Variants in SOS1 observed in about 807,000 individuals in gnomAD.
SOS1 encodes the protein son of sevenless homolog 1.
In SOS1, 25 loss-of-function variants were observed where a neutral mutation model predicts 157.6. That is an observed-to-expected ratio of 0.16 (90% CI 0.12 to 0.22). The LOEUF (loss-of-function observed/expected upper bound fraction) is 0.22, where lower values mean the gene tolerates loss of function less well. Among genes scored for constraint, SOS1 ranks in the 10% least tolerant of loss-of-function variants. SOS1 has a pLI of 1.00. For missense variants in SOS1, 1,237 were observed against 1,599.1 expected (o/e 0.77, Z 3.86); for synonymous variants, 528 against 534.0 (o/e 0.99, Z 0.16).
chr2:39,061,104 T>C (rs1271253858), intron 2 of SOS1, among the ~76,000 whole-genome samples: 1 of 152,110 alleles, frequency 6.6e-6, no homozygotes, highest in Non-Finnish European at 1.5e-5. Flanking sequence ...AAATCTCGAA[T>C]GATTTTTAAA....
chr2:39,072,572 C>G (rs1025661012), intron 1 of SOS1, among the ~76,000 whole-genome samples: 1 of 152,074 alleles, frequency 6.6e-6, no homozygotes. Context: ...AAGACAACAA[C>G]GTGATACTGC....
intron 1 of SOS1, among the ~76,000 whole-genome samples, chr2:39,081,741 C>T (rs1376445532): frequency 6.6e-6 from 1 of 151,956 alleles, no homozygotes; most frequent in Non-Finnish European, 1.5e-5. Flanking sequence ...AGGAGAATCA[C>T]TTGAACCCAG....
At chr2:39,054,275 T>G (rs1377037085) in intron 5 of SOS1, among the ~76,000 whole-genome samples, 1 of 152,248 alleles carries the variant, frequency 6.6e-6, no homozygotes, top group Non-Finnish European at 1.5e-5. Context: ...GCATGGTACC[T>G]GACAATACAG....
rs766049717 is a variant in SOS1, at chr2:39,035,423, C to G, written c.942G>C (p.Gln314His). 3 of 1,613,762 alleles carry G rather than the reference C, an allele frequency of 1.9e-6. No homozygotes were observed. The highest frequency in any genetic ancestry group is 3.3e-5 in the Admixed American group (2 of 60,000). ...AAAGTGCTGCCCCAGGCTTTGATAA[C>G]TGACTAAGGAAACGATCATGAAAAC... ...RPGFHDRFLS[Q>H]LSKPGAALYL... Residue 314 changes from glutamine to histidine, a missense_variant, in exon 7 of 23, where the codon CAG becomes CAC. This residue lies in a region of SOS1 where 101 missense variants were observed against 171.5 expected (regional missense o/e 0.59). Transcript: ENST00000402219.
At position 39,115,089 on chromosome 2, in the gene SOS1, C is replaced by T. The variant is rs144117822; in HGVS notation, c.87+5247G>A. ...TCAGTCTTACTAAAATCATTTTCAGCGTGTGGTCTCATCTACTTTTTAAAA... is the reference window on the plus strand; with the variant it reads ...TCAGTCTTACTAAAATCATTTTCAGTGTGTGGTCTCATCTACTTTTTAAAA... On this transcript the variant is annotated intron_variant, in intron 1 of 22. Transcript: ENST00000402219. Among the ~76,000 whole-genome samples, 351 of 152,238 alleles carry T rather than the reference C, an allele frequency of 2.3e-3. 1 individual carries two copies. Among genetic ancestry groups the T allele is most frequent in the African/African-American group, 7.8e-3 (322 of 41,538 alleles).
At chr2:39,000,538 CAG>C (rs1392474186) in intron 17 of SOS1, among the ~76,000 whole-genome samples, 2 of 152,096 alleles carry the variant, frequency 1.3e-5, no homozygotes, top group South Asian at 2.1e-4. Context: ...AAAGAGAAAA[CAG>C]AGCATTATGA....
At chr2:39,077,977 C>T (rs1672073460) in intron 1 of SOS1, among the ~76,000 whole-genome samples, 1 of 152,118 alleles carries the variant, frequency 6.6e-6, no homozygotes, top group African/African-American at 2.4e-5. Flanking sequence ...ACTGCTTAAT[C>T]AACATATCAC....
rs1558497880 is a variant in SOS1 at position 39,067,581 on chromosome 2, A to G, written c.213+47T>C. On this transcript the variant is annotated intron_variant, in intron 2 of 22. Coordinates refer to ENST00000402219, the MANE Select transcript of SOS1 (RefSeq NM_005633.4). ...TCCCTGTTCACTGACATTACAACCA[A>G]CACACAAATTAGATATAAAGTAAAT... The G allele has an allele frequency of 1.9e-6, 3 of 1,564,018 alleles. No homozygotes were observed. In the East Asian group the frequency reaches 6.7e-5, roughly 35 times the overall value.
At chr2:39,118,044 C>T (rs1183968109) in intron 1 of SOS1, among the ~76,000 whole-genome samples, 1 of 152,192 alleles carries the variant, frequency 6.6e-6, no homozygotes, top group Non-Finnish European at 1.5e-5. Flanking sequence ...GATATCATCC[C>T]TGTTCTCAAG....
At chr2:39,056,627 T>C (rs1283821122) in intron 4 of SOS1, 75 bp downstream of exon 4, 2 of 922,334 alleles carry the variant, frequency 2.2e-6, no homozygotes, top group Non-Finnish European at 1.8e-6. Context: ...TTTTATTCTA[T>C]ATGAATAGTA....
chr2:39,045,293 T>A (rs1462051201), intron 6 of SOS1, among the ~76,000 whole-genome samples: 4 of 151,458 alleles, frequency 2.6e-5, no homozygotes, highest in Non-Finnish European at 5.9e-5. Flanking sequence ...TGTGTGTGTG[T>A]GTGTGTGTGT....
At position 39,030,611 on chromosome 2, in the gene SOS1, AAGCCAATGT is replaced by A. The variant is rs558645600; in HGVS notation, c.1074+4592_1074+4600del. Among the ~76,000 whole-genome samples the A allele has an allele frequency of 1.5e-3, 228 of 152,250 alleles. 1 individual carries two copies. Among genetic ancestry groups the A allele is most frequent in the African/African-American group, 5.1e-3 (212 of 41,552 alleles). The stretch of plus-strand genomic sequence containing the variant: ...GGTGTTAGGGGGAAGCCAGCGTATA[AAGCCAATGT>A]AGCCAGTGTATATGCTGGAGAATCA... On this transcript the variant is annotated intron_variant, in intron 8 of 22. Coordinates refer to ENST00000402219, the MANE Select transcript of SOS1 (RefSeq NM_005633.4).
At chr2:39,048,985 T>G (rs1670897108) in intron 6 of SOS1, among the ~76,000 whole-genome samples, 1 of 152,156 alleles carries the variant, frequency 6.6e-6, no homozygotes. Context: ...TGGTGCGATC[T>G]CGGCTCACTG....
At chr2:39,018,436 T>C (rs545205851) in intron 10 of SOS1, among the ~76,000 whole-genome samples, 1 of 151,896 alleles carries the variant, frequency 6.6e-6, no homozygotes, top group East Asian at 1.9e-4. Context: ...AGCTAGGTTA[T>C]TTTCAAACAG....
At chr2:39,114,029 A>G (rs1252030866) in intron 1 of SOS1, among the ~76,000 whole-genome samples, 2 of 152,094 alleles carry the variant, frequency 1.3e-5, no homozygotes, top group Non-Finnish European at 2.9e-5. Context: ...CAAACTTAAC[A>G]CTTTTCAGGC....
intron 15 of SOS1, chr2:39,007,479 G>C: frequency 2.7e-6 from 1 of 372,304 alleles, no homozygotes; most frequent in Non-Finnish European, 4.9e-6. Flanking sequence ...CCACTATCTT[G>C]TGGAATGTAT....
At chr2:39,107,658 A>G (rs1274776507) in intron 1 of SOS1, among the ~76,000 whole-genome samples, 7 of 134,446 alleles carry the variant, frequency 5.2e-5, no homozygotes, top group Non-Finnish European at 1.1e-4. Context: ...GCATCACACT[A>G]AAAAGAAAAA....
At chr2:38,998,246 T>C (rs1460291008) in intron 17 of SOS1, among the ~76,000 whole-genome samples, 2 of 151,650 alleles carry the variant, frequency 1.3e-5, no homozygotes, top group Non-Finnish European at 2.9e-5. Flanking sequence ...TTTTTTTTTA[T>C]ATTTTATATT....
At chr2:39,109,895 T>C (rs1673349265) in intron 1 of SOS1, among the ~76,000 whole-genome samples, 2 of 152,028 alleles carry the variant, frequency 1.3e-5, no homozygotes, top group Admixed American at 1.3e-4. Context: ...TACTAAAACA[T>C]AGCTTTTAAA....
Sources: gnomAD v4.1 joint callset for allele counts (sites outside exome capture counted in the v4.1 genomes callset) on GRCh38, gnomAD v4.1.1 for gene constraint, gnomAD v4.1.1 regional missense constraint, MANE v1.5 for transcripts, NCBI Gene and HGNC (gene_info 2026-07-23, HGNC 2026-07-21) for gene names.